RHD: variants seen among roughly 807,000 people sequenced by gnomAD.
The protein encoded by RHD is Rh blood group D antigen, also known as blood group Rh(D) polypeptide.
Under a neutral mutation model 45.5 loss-of-function variants are expected in RHD, and 16 were observed. The ratio of observed to expected loss-of-function variants is 0.35; its 90% CI spans 0.24 to 0.53. RHD has a LOEUF of 0.53. Among genes scored for constraint, RHD ranks in the 20% least tolerant of loss-of-function variants. The pLI, the probability that RHD is intolerant of heterozygous loss-of-function variation, is 0.92. For synonymous variants in RHD, 131 were observed against 217.5 expected, an observed-to-expected ratio of 0.60 and a Z score of 3.50; for missense variants, 306 against 532.0, an observed-to-expected ratio of 0.58 and a Z score of 4.18.
At chr1:25,295,143 AG>A (rs1395000283) in intron 3 of RHD, among the ~76,000 whole-genome samples, 5 of 137,492 alleles carry the variant, frequency 3.6e-5, no homozygotes, top group Non-Finnish European at 7.9e-5. Flanking sequence ...GAGCTGGTTA[AG>A]AAAGGAGAGA....
intron 2 of RHD, among the ~76,000 whole-genome samples, chr1:25,286,685 C>T (rs1250621242): frequency 7.5e-6 from 1 of 133,980 alleles, no homozygotes; most frequent in Non-Finnish European, 1.8e-5. Flanking sequence ...ACTCGGGAGG[C>T]TGAGGCAGGA....
rs1333382691 is a variant in RHD, at chr1:25,293,130, T to C, written c.486+2339T>C. Among the ~76,000 whole-genome samples, 3 of 131,478 alleles carry C rather than the reference T, an allele frequency of 2.3e-5. 1 individual carries two copies. The highest frequency in any genetic ancestry group is 7.9e-5 in the African/African-American group (3 of 37,914). The allele number at this position is 131,478 out of a possible 152,430, so 86.3% of individuals were successfully genotyped here. ...GCTTGACTGATTCAAGAGCAGGAGA[T>C]GAGAAAGTGGAGACAGCATGCAGGG... On this transcript the variant is annotated intron_variant, in intron 3 of 9. Coordinates refer to ENST00000328664, the MANE Select transcript of RHD (RefSeq NM_016124.6).
chr1:25,300,048 G>A (rs1422699161), intron 3 of RHD, among the ~76,000 whole-genome samples: 1 of 131,116 alleles, frequency 7.6e-6, no homozygotes, highest in Admixed American at 7.4e-5. Context: ...AATATATCTA[G>A]AATTTCCTGA....
intron 8 of RHD, among the ~76,000 whole-genome samples, chr1:25,321,498 TAAAAA>T (rs1214598540): frequency 3.9e-5 from 3 of 76,334 alleles, no homozygotes; most frequent in South Asian, 3.9e-4. Flanking sequence ...CCATCTCTAC[TAAAAA>T]AAAAAAAAAA....
At chr1:25,295,440 G>A (rs2124656137) in intron 3 of RHD, among the ~76,000 whole-genome samples, 1 of 105,376 alleles carries the variant, frequency 9.5e-6, no homozygotes. Flanking sequence ...ATTGTTCTCA[G>A]GCTGCGTTGA....
Position 25,321,890 on chromosome 1 carries a change from T to A in RHD, c.1155T>A (p.Gly385=). The A allele has an allele frequency of 7.9e-7, 1 of 1,265,752 alleles. No individual in the cohort carries two copies. The highest frequency in any genetic ancestry group is 1.1e-6 in the Non-Finnish European group (1 of 877,060). The allele number at this position is 1,265,752 out of a possible 1,614,324, so 78.4% of individuals were successfully genotyped here. The stretch of plus-strand genomic sequence containing the variant: ...ACATTAAATTATGCATTTAAACAGG[T>A]TTGCTCCTAAATCTTAAAATATGGA... ...VIALMSGLLT[G]LLLNLKIWKA... is the part of the protein sequence containing the mutation. The change falls in exon 9 of 10, where the codon GGT becomes GGA. Residue 385 remains glycine (G), a splice_region_variant and synonymous_variant. Coordinates refer to ENST00000328664, the MANE Select transcript of RHD (RefSeq NM_016124.6).
At chr1:25,287,137 A>G (rs55646708) in intron 2 of RHD, among the ~76,000 whole-genome samples, 12,974 of 134,556 alleles carry the variant, frequency 0.096, 3,250 homozygotes, top group African/African-American at 0.31. Flanking sequence ...AATTCCCACC[A>G]GAATTCAATA....
In RHD at chr1:25,311,858, G is replaced by T. The variant is rs1229143931; in HGVS notation, c.1073+5129G>T. ...CACTAATTTTGCAGGTGTGCAGAATGCAAAAGCTGAGGGGGCATGCCTTCT... is the reference window on the plus strand; with the variant it reads ...CACTAATTTTGCAGGTGTGCAGAATTCAAAAGCTGAGGGGGCATGCCTTCT... On this transcript the variant is annotated intron_variant, in intron 7 of 9. Coordinates refer to ENST00000328664, the MANE Select transcript of RHD (RefSeq NM_016124.6). Among the ~76,000 whole-genome samples the T allele has an allele frequency of 2.3e-5, 3 of 131,486 alleles. 1 individual carries two copies. Among genetic ancestry groups the T allele is most frequent in the Non-Finnish European group, 5.4e-5 (3 of 55,954 alleles). The allele number at this position is 131,486 out of a possible 152,430, so 86.3% of individuals were successfully genotyped here.
intron 3 of RHD, among the ~76,000 whole-genome samples, chr1:25,297,476 A>G (rs1830962): frequency 0.64 from 70,511 of 110,070 alleles, 27,510 homozygotes; most frequent in South Asian, 0.85. Flanking sequence ...CCTGTTGATC[A>G]TCCAACTTTC....
In RHD at chr1:25,329,240, T is replaced by TG. The variant is rs1453481903; in HGVS notation, c.*316_*317insG. The TG allele has an allele frequency of 2.1e-6, 1 of 481,252 alleles. No homozygotes were observed. Among genetic ancestry groups the TG allele is most frequent in the Non-Finnish European group, 3.3e-6 (1 of 300,114 alleles). 29.8% of individuals were successfully genotyped at this position (481,252 alleles called of 1,614,324 possible). A position where few individuals can be genotyped will look rare whatever the true frequency, so the allele number is the denominator to read the frequency against. ...GGTTAATTTATTATTATTCCTTGTT[T>TG]TTTTTTTTTTTTTTTTTTTTTTGAG... On this transcript the variant is annotated 3_prime_UTR_variant, in exon 10 of 10. Transcript: ENST00000328664.
intron 3 of RHD, among the ~76,000 whole-genome samples, chr1:25,296,627 T>G (rs146455583): frequency 0.017 from 2,218 of 131,392 alleles, 389 homozygotes; most frequent in African/African-American, 0.053. Flanking sequence ...GTTGAGGGCA[T>G]GACCTCGTGG....
In RHD at chr1:25,311,029, C is replaced by G. The variant is rs1644117723; in HGVS notation, c.1073+4300C>G. 1.5e-5 allele frequency among the ~76,000 whole-genome samples: 2 copies of G among 129,400 alleles called. 1 individual carries two copies. Among genetic ancestry groups the G allele is most frequent in the African/African-American group, 5.2e-5 (2 of 38,100 alleles). 84.9% of individuals were successfully genotyped at this position (129,400 alleles called of 152,430 possible). ...GAGCATTAAAGACAGTTCTGCAGTT[C>G]TGGTGAGGGCTTAAAGGAAGACCCC... On this transcript the variant is annotated intron_variant, in intron 7 of 9. Coordinates refer to ENST00000328664, the MANE Select transcript of RHD (RefSeq NM_016124.6).
chr1:25,296,051 C>T (rs1238935258), intron 3 of RHD, among the ~76,000 whole-genome samples: 2 of 111,842 alleles, frequency 1.8e-5, no homozygotes, highest in Admixed American at 1.7e-4. Flanking sequence ...TTAGTAGAGA[C>T]GGAGTTTTGC....
At chr1:25,285,458 A>G (rs532849873) in intron 2 of RHD, among the ~76,000 whole-genome samples, 1 of 135,168 alleles carries the variant, frequency 7.4e-6, no homozygotes, top group East Asian at 1.9e-4. Context: ...TTGAAAAGAA[A>G]GGACTTTCAG....
Position 25,314,185 on chromosome 1 carries a change from G to A in RHD, c.1074-2815G>A, listed in dbSNP as rs550173889. The stretch of plus-strand genomic sequence containing the variant: ...TAAACAATTTTCTCTAGTAGTTTGC[G>A]CCAATCTAATCACCAGTAGTGTATA... On this transcript the variant is annotated intron_variant, in intron 7 of 9. Coordinates refer to ENST00000328664, the MANE Select transcript of RHD (RefSeq NM_016124.6). Among the ~76,000 whole-genome samples the A allele has an allele frequency of 5.3e-5, 7 of 132,796 alleles. 1 individual carries two copies. The East Asian group carries it at 5.9e-4, about 11-fold the overall frequency. The allele number at this position is 132,796 out of a possible 152,430, so 87.1% of individuals were successfully genotyped here.
At chr1:25,321,806 T>C (rs1212567865) in intron 8 of RHD, 83 bp from the exon 9 acceptor site, 1 of 758,888 alleles carries the variant, frequency 1.3e-6, no homozygotes, top group African/African-American at 1.7e-5. Context: ...TACTGTCGTT[T>C]TGACACACAA....
At chr1:25,295,871 T>C (rs1333553281) in intron 3 of RHD, among the ~76,000 whole-genome samples, 1 of 105,860 alleles carries the variant, frequency 9.4e-6, no homozygotes, top group Non-Finnish European at 2.3e-5. Context: ...TTTTTTTTTT[T>C]TTTTTTTTGA....
chr1:25,305,949 C>T (rs1455910670), intron 6 of RHD, among the ~76,000 whole-genome samples: 1 of 131,630 alleles, frequency 7.6e-6, no homozygotes, highest in African/African-American at 2.6e-5. Flanking sequence ...AAGGAACCAG[C>T]CTGATTGAAT....
rs1641358257 is a variant in RHD, at chr1:25,280,266, C to A, written c.149-4307C>A. ...ATCGGGATCAGGGGCAGCAGCTGTG[C>A]CCAATAAAGCCCCCACCCAGGATCC... On this transcript the variant is annotated intron_variant, in intron 1 of 9. Transcript: ENST00000328664. 1.6e-5 allele frequency among the ~76,000 whole-genome samples: 2 copies of A among 126,954 alleles called. 1 individual carries two copies. Among genetic ancestry groups the A allele is most frequent in the South Asian group, 4.7e-4 (2 of 4,236 alleles). 83.3% of individuals were successfully genotyped at this position (126,954 alleles called of 152,430 possible). A position where few individuals can be genotyped will look rare whatever the true frequency, so the allele number is the denominator to read the frequency against.
Sources: gnomAD v4.1 joint callset for allele counts (sites outside exome capture counted in the v4.1 genomes callset) on GRCh38, gnomAD v4.1.1 for gene constraint, MANE v1.5 for transcripts, NCBI Gene and HGNC (gene_info 2026-07-23, HGNC 2026-07-21) for gene names.